The following ELP4 variants were observed in gnomAD, a reference collection of about 807,000 sequenced individuals.
The protein encoded by ELP4 is elongator acetyltransferase complex subunit 4.
Under a neutral mutation model 48.9 loss-of-function variants are expected in ELP4, and 51 were observed. That is an observed-to-expected ratio of 1.04 (90% CI 0.83 to 1.32). The LOEUF is 1.32. ELP4 is among the 40% of genes most tolerant of loss of function. The pLI is 0.00. For missense variants in ELP4, 519 were observed against 514.6 expected (o/e 1.01, Z -0.08); for synonymous variants, 210 against 189.2 (o/e 1.11, Z -0.90).
At chr11:31,632,183 T>C in intron 6 of ELP4, 34 bp from the exon 7 acceptor site, 1 of 1,564,206 alleles carries the variant, frequency 6.4e-7, no homozygotes, top group Non-Finnish European at 8.7e-7. Flanking sequence ...TTAACAAAAC[T>C]TTATATGTTT....
chr11:31,723,938 C>T (rs1311054440), intron 9 of ELP4, among the ~76,000 whole-genome samples: 1 of 152,084 alleles, frequency 6.6e-6, no homozygotes, highest in Admixed American at 6.5e-5. Flanking sequence ...ACACTAAATG[C>T]AACTATCAAA....
At chr11:31,589,624 A>G (rs1957536288) in intron 3 of ELP4, among the ~76,000 whole-genome samples, 1 of 152,224 alleles carries the variant, frequency 6.6e-6, no homozygotes, top group African/African-American at 2.4e-5. Flanking sequence ...TAGCATAGAT[A>G]TATTTCTGAA....
intron 1 of ELP4, among the ~76,000 whole-genome samples, chr11:31,517,898 G>T (rs1315171216): frequency 6.6e-6 from 1 of 152,024 alleles, no homozygotes; most frequent in African/African-American, 2.4e-5. Context: ...GATTACAGTC[G>T]TGAGCCACCG....
At chr11:31,619,140 G>A (rs1430267045) in intron 5 of ELP4, among the ~76,000 whole-genome samples, 1 of 151,840 alleles carries the variant, frequency 6.6e-6, no homozygotes, top group Non-Finnish European at 1.5e-5. Flanking sequence ...TTTTTTCAAG[G>A]GAGAGATAAC....
chr11:31,582,092 G>A (rs910636211), intron 3 of ELP4, among the ~76,000 whole-genome samples: 1 of 152,140 alleles, frequency 6.6e-6, no homozygotes, highest in Non-Finnish European at 1.5e-5. Context: ...GGATGGTGGT[G>A]AAGAGGATGA....
intron 3 of ELP4, among the ~76,000 whole-genome samples, chr11:31,589,204 C>T (rs1284955369): frequency 3.3e-5 from 5 of 152,126 alleles, no homozygotes; most frequent in Admixed American, 6.5e-5. Context: ...TTTCACTAAG[C>T]ATCTCTTGAG....
At chr11:31,663,672 T>G (rs938329252) in intron 9 of ELP4, 1 of 152,024 alleles carries the variant, frequency 6.6e-6, no homozygotes, top group African/African-American at 2.4e-5. Flanking sequence ...TATGAAGTCT[T>G]GCTTGCTTAT....
intron 3 of ELP4, among the ~76,000 whole-genome samples, chr11:31,557,108 G>A (rs1157016434): frequency 6.6e-6 from 1 of 151,752 alleles, no homozygotes; most frequent in Non-Finnish European, 1.5e-5. Context: ...TGCAGCAACA[G>A]AACATTTAGT....
intron 3 of ELP4, among the ~76,000 whole-genome samples, chr11:31,574,836 C>T (rs1453354071): frequency 6.6e-6 from 1 of 152,176 alleles, no homozygotes; most frequent in Non-Finnish European, 1.5e-5. Context: ...CTGGAGAAAC[C>T]AGAGCAGAAA....
intron 9 of ELP4, among the ~76,000 whole-genome samples, chr11:31,780,274 G>C (rs989199143): frequency 5.3e-5 from 8 of 152,064 alleles, no homozygotes; most frequent in African/African-American, 1.9e-4. Flanking sequence ...AAAAATCCCT[G>C]ACACACCTGG....
Position 31,650,489 on chromosome 11 carries a change from T to C in ELP4, c.1143+268T>C, listed in dbSNP as rs545548814. The C allele has an allele frequency of 2.3e-5, 7 of 299,050 alleles. No homozygotes were observed. In the East Asian group the frequency reaches 2.8e-4, roughly 12 times the overall value. The allele number at this position is 299,050 out of a possible 1,614,324, so 18.5% of individuals were successfully genotyped here. A position where few individuals can be genotyped will look rare whatever the true frequency, so the allele number is the denominator to read the frequency against. On this transcript the variant is annotated intron_variant, in intron 9 of 9. Coordinates refer to ENST00000640961, the MANE Select transcript of ELP4 (RefSeq NM_019040.5). ...CTCCAAACTTACATGATAAATATGA[T>C]ATGCATATTTCCATGGCTTTGAAAA...
intron 9 of ELP4, among the ~76,000 whole-genome samples, chr11:31,696,146 G>A (rs1435538599): frequency 6.6e-6 from 1 of 151,978 alleles, no homozygotes; most frequent in Non-Finnish European, 1.5e-5. Flanking sequence ...TTTTCGAAGG[G>A]TTTTTTGTGT....
chr11:31,727,453 T>C (rs1037739023), intron 9 of ELP4, among the ~76,000 whole-genome samples: 6 of 152,160 alleles, frequency 3.9e-5, no homozygotes, highest in African/African-American at 1.4e-4. Flanking sequence ...GTTACCACTT[T>C]TATTGAATGT....
chr11:31,647,896 A>G (rs765864843), intron 8 of ELP4, 47 bp downstream of exon 8: 9 of 1,123,292 alleles, frequency 8.0e-6, no homozygotes, highest in Non-Finnish European at 1.2e-5. Context: ...GGCTGCTTCT[A>G]GGTTACCTGG....
intron 9 of ELP4, among the ~76,000 whole-genome samples, chr11:31,750,534 A>T (rs1390746977): frequency 6.6e-6 from 1 of 152,148 alleles, no homozygotes; most frequent in Non-Finnish European, 1.5e-5. Flanking sequence ...GCCTGAAGTT[A>T]CAACCTGACC....
chr11:31,593,754 T>C (rs1021121520), intron 3 of ELP4, among the ~76,000 whole-genome samples: 5 of 152,232 alleles, frequency 3.3e-5, no homozygotes, highest in African/African-American at 1.2e-4. Flanking sequence ...CTTTATACTG[T>C]AAGATACTAA....
At chr11:31,645,298 T>C (rs117335240) in intron 7 of ELP4, among the ~76,000 whole-genome samples, 1,831 of 151,906 alleles carry the variant, frequency 0.012, 20 homozygotes, top group Non-Finnish European at 0.02. Flanking sequence ...AGTGGATAAC[T>C]GATTTTTTTA....
intron 9 of ELP4, among the ~76,000 whole-genome samples, chr11:31,708,437 A>G (rs1402700714): frequency 2.0e-5 from 3 of 152,138 alleles, no homozygotes; most frequent in East Asian, 3.9e-4. Context: ...CACATTTAAG[A>G]TTATCTGAAT....
chr11:31,706,691 A>G (rs1484454957), intron 9 of ELP4, among the ~76,000 whole-genome samples: 1 of 151,398 alleles, frequency 6.6e-6, no homozygotes, highest in Non-Finnish European at 1.5e-5. Context: ...ATCTAGCTAT[A>G]AATGTACATC....
Sources: allele counts gnomAD v4.1 joint callset (sites outside exome capture counted in the v4.1 genomes callset), GRCh38; gene constraint gnomAD v4.1.1; transcripts MANE v1.5; gene names NCBI Gene and HGNC (gene_info 2026-07-23, HGNC 2026-07-21).